Variants in TECRL observed in about 807,000 individuals in gnomAD.
TECRL encodes trans-2,3-enoyl-CoA reductase-like.
TECRL carries 63 observed loss-of-function variants against 52.8 expected under a neutral mutation model. That is an observed-to-expected ratio of 1.19 (90% confidence interval 0.97 to 1.47). The LOEUF (loss-of-function observed/expected upper bound fraction) is 1.47, where lower values mean the gene tolerates loss of function less well. Ranked by LOEUF, TECRL falls within the 40% of genes most tolerant of loss-of-function variation. TECRL has a pLI of 0.00. For missense variants in TECRL, 482 were observed against 429.6 expected (o/e 1.12, Z -1.08); for synonymous variants, 164 against 141.9 (o/e 1.16, Z -1.10).
At chr4:64,369,059 T>C (rs1373179084) in intron 2 of TECRL, among the ~76,000 whole-genome samples, 2 of 152,174 alleles carry the variant, frequency 1.3e-5, no homozygotes, top group Non-Finnish European at 2.9e-5. Context: ...AGACAAGTAG[T>C]CTGATAGATA....
At chr4:64,287,703 T>A (rs1723152118) in intron 9 of TECRL, among the ~76,000 whole-genome samples, 2 of 152,202 alleles carry the variant, frequency 1.3e-5, no homozygotes, top group African/African-American at 4.8e-5. Flanking sequence ...TAAATAAATG[T>A]GGTTATGTTA....
chr4:64,377,383 T>A (rs1346691571), intron 1 of TECRL, among the ~76,000 whole-genome samples: 1 of 152,056 alleles, frequency 6.6e-6, no homozygotes, highest in Admixed American at 6.6e-5. Flanking sequence ...ATATAAGAGC[T>A]TCTGATGACT....
chr4:64,294,368 G>T (rs1223821798), intron 8 of TECRL, among the ~76,000 whole-genome samples: 1 of 152,106 alleles, frequency 6.6e-6, no homozygotes, highest in Non-Finnish European at 1.5e-5. Context: ...TGTAGACATT[G>T]CTAAAATGTT....
rs1718907032 is a variant in TECRL, at chr4:64,334,539, C to A, written c.287-5983G>T. ...AACTAAAAGTGTTTAACACTGAAAC[C>A]AGCACCAATCAATGTCTATAATTTT... On this transcript the variant is annotated intron_variant, in intron 2 of 11. Coordinates refer to ENST00000381210, the MANE Select transcript of TECRL (RefSeq NM_001010874.5). 2.0e-5 allele frequency among the ~76,000 whole-genome samples: 3 copies of A among 152,114 alleles called. No homozygotes were observed. In the South Asian group the frequency reaches 6.2e-4, roughly 31 times the overall value.
At chr4:64,309,493 T>C (rs1724538698) in intron 6 of TECRL, among the ~76,000 whole-genome samples, 1 of 152,130 alleles carries the variant, frequency 6.6e-6, no homozygotes, top group South Asian at 2.1e-4. Flanking sequence ...CACAGATGTA[T>C]ATTTGTAGGA....
At chr4:64,395,716 C>A (rs907611667) in intron 1 of TECRL, among the ~76,000 whole-genome samples, 1 of 151,882 alleles carries the variant, frequency 6.6e-6, no homozygotes, top group Non-Finnish European at 1.5e-5. Context: ...AGGTTTGTTA[C>A]GGGGGTAAAC....
intron 1 of TECRL, among the ~76,000 whole-genome samples, chr4:64,393,209 GA>G (rs1402937460): frequency 1.3e-5 from 2 of 151,928 alleles, no homozygotes; most frequent in African/African-American, 4.8e-5. Flanking sequence ...GTAGAGGGGG[GA>G]AAATATTCTG....
chr4:64,328,385 T>A, intron 3 of TECRL, 127 bp downstream of exon 3: 1 of 685,230 alleles, frequency 1.5e-6, no homozygotes, highest in Non-Finnish European at 2.4e-6. Context: ...AGCTCTAGTT[T>A]GTTGGGCGAA....
chr4:64,402,826 T>C (rs980647886), intron 1 of TECRL, among the ~76,000 whole-genome samples: 1 of 152,072 alleles, frequency 6.6e-6, no homozygotes. Flanking sequence ...ACAAAAGCAA[T>C]GCCTTCCAGT....
intron 2 of TECRL, among the ~76,000 whole-genome samples, chr4:64,367,395 A>G (rs1186297920): frequency 6.6e-6 from 1 of 152,142 alleles, no homozygotes; most frequent in Non-Finnish European, 1.5e-5. Context: ...AAGTTGAATA[A>G]AATAATAAAA....
At chr4:64,346,961 C>G (rs1720032558) in intron 2 of TECRL, among the ~76,000 whole-genome samples, 1 of 152,150 alleles carries the variant, frequency 6.6e-6, no homozygotes, top group African/African-American at 2.4e-5. Flanking sequence ...AACTTGAAGC[C>G]TGTTCTGTGT....
chr4:64,364,761 A>G (rs1322384008), intron 2 of TECRL, among the ~76,000 whole-genome samples: 1 of 152,086 alleles, frequency 6.6e-6, no homozygotes. Flanking sequence ...TGAATCAGGA[A>G]TACAAAACCT....
intron 6 of TECRL, among the ~76,000 whole-genome samples, chr4:64,306,084 T>G (rs1211174319): frequency 1.3e-5 from 2 of 152,028 alleles, no homozygotes; most frequent in African/African-American, 2.4e-5. Flanking sequence ...GAAGGGTGAG[T>G]AAGGGCAGAC....
At position 64,278,474 on chromosome 4, in the gene TECRL, A is replaced by G. The variant is rs887888409; in HGVS notation, c.*1598T>C. 1.2e-5 allele frequency: 3 copies of G among 250,032 alleles called. No homozygotes were observed. The highest frequency in any genetic ancestry group is 4.6e-5 in the African/African-American group (2 of 43,260). The allele number at this position is 250,032 out of a possible 1,614,324, so 15.5% of individuals were successfully genotyped here. On this transcript the variant is annotated 3_prime_UTR_variant, in exon 12 of 12. Transcript: ENST00000381210. The stretch of plus-strand genomic sequence containing the variant: ...AAAAATCAGATACTTTTTAAATTAA[A>G]TTTTATTTTTTGAGCGACATAAGAA...
At chr4:64,299,451 A>C (rs530530536) in intron 8 of TECRL, among the ~76,000 whole-genome samples, 3 of 151,282 alleles carry the variant, frequency 2.0e-5, no homozygotes, top group Non-Finnish European at 3.0e-5. Context: ...TTTTAGAAAT[A>C]ATCAAGAGTC....
At chr4:64,315,888 C>A (rs1717464658) in intron 4 of TECRL, among the ~76,000 whole-genome samples, 1 of 151,708 alleles carries the variant, frequency 6.6e-6, no homozygotes, top group African/African-American at 2.4e-5. Context: ...TTCTCATGTA[C>A]CAAGAAAGAT....
intron 4 of TECRL, among the ~76,000 whole-genome samples, chr4:64,316,631 C>G (rs997922522): frequency 1.3e-5 from 2 of 151,976 alleles, no homozygotes; most frequent in African/African-American, 4.8e-5. Context: ...GGAAATAAAA[C>G]AAAATCAAAA....
At chr4:64,312,760 C>G (rs1323678406) in intron 5 of TECRL, among the ~76,000 whole-genome samples, 3 of 52,478 alleles carry the variant, frequency 5.7e-5, no homozygotes, top group Non-Finnish European at 1.3e-4. Context: ...GAGCAAGACC[C>G]TCTCTCAAAA....
chr4:64,389,785 C>G (rs764377005), intron 1 of TECRL, among the ~76,000 whole-genome samples: 1 of 151,630 alleles, frequency 6.6e-6, no homozygotes, highest in Admixed American at 6.6e-5. Flanking sequence ...AAATATATGC[C>G]TATTCAAAAA....
Sources: allele counts gnomAD v4.1 joint callset (sites outside exome capture counted in the v4.1 genomes callset), GRCh38; gene constraint gnomAD v4.1.1; transcripts MANE v1.5; gene names NCBI Gene and HGNC (gene_info 2026-07-23, HGNC 2026-07-21).